ABTB2: variants seen among roughly 807,000 people sequenced by gnomAD.
The protein encoded by ABTB2 is ankyrin repeat and BTB domain containing 2.
In ABTB2, 56 loss-of-function variants were observed where a neutral mutation model predicts 104.1. The ratio of observed to expected loss-of-function variants is 0.54; its 90% confidence interval spans 0.43 to 0.67. The LOEUF (loss-of-function observed/expected upper bound fraction) is 0.67. Among genes scored for constraint, ABTB2 ranks in the 30% least tolerant of loss-of-function variants. The probability of loss-of-function intolerance (pLI) is 0.00; values close to 1 mark genes in which losing one functional copy is unlikely to be tolerated. For missense variants in ABTB2, 1,279 were observed against 1,407.7 expected (o/e 0.91, Z 1.46); for synonymous variants, 606 against 608.2 (o/e 1.00, Z 0.05).
chr11:34,182,031 G>A (rs1853034647), intron 3 of ABTB2, among the ~76,000 whole-genome samples: 1 of 152,240 alleles, frequency 6.6e-6, no homozygotes, highest in Non-Finnish European at 1.5e-5. Context: ...GGGGTGCCAA[G>A]TGGCACCGTC....
intron 1 of ABTB2, among the ~76,000 whole-genome samples, chr11:34,236,434 G>A (rs1853844473): frequency 1.3e-5 from 2 of 152,094 alleles, no homozygotes. Flanking sequence ...TCTAATTTGG[G>A]GTGGGTCACT....
intron 1 of ABTB2, among the ~76,000 whole-genome samples, chr11:34,227,077 C>T (rs553528985): frequency 3.3e-5 from 5 of 152,066 alleles, no homozygotes; most frequent in Non-Finnish European, 7.4e-5. Flanking sequence ...AGTTCAAGAT[C>T]AGCCTGGCCA....
At chr11:34,214,556 TA>T (rs34067117) in intron 1 of ABTB2, among the ~76,000 whole-genome samples, 1,609 of 103,062 alleles carry the variant, frequency 0.016, 33 homozygotes, top group East Asian at 0.062. Flanking sequence ...TTTTTTTTTT[TA>T]AAGTCAGGTT....
chr11:34,223,380 C>T (rs149980077), intron 1 of ABTB2, among the ~76,000 whole-genome samples: 8 of 152,292 alleles, frequency 5.3e-5, no homozygotes, highest in East Asian at 3.9e-4. Flanking sequence ...CAAAATTCTC[C>T]GCTCTCCTGC....
intron 1 of ABTB2, among the ~76,000 whole-genome samples, chr11:34,248,826 C>A (rs534465378): frequency 6.6e-6 from 1 of 152,336 alleles, no homozygotes; most frequent in African/African-American, 2.4e-5. Flanking sequence ...AAAACTATCA[C>A]ACACTGCATA....
At chr11:34,302,414 C>T (rs1031187635) in intron 1 of ABTB2, among the ~76,000 whole-genome samples, 1 of 152,180 alleles carries the variant, frequency 6.6e-6, no homozygotes, top group Non-Finnish European at 1.5e-5. Flanking sequence ...CATGACTGGT[C>T]AGATTCAAAT....
At chr11:34,204,927 G>A (rs949066096) in intron 1 of ABTB2, among the ~76,000 whole-genome samples, 4 of 152,154 alleles carry the variant, frequency 2.6e-5, no homozygotes, top group East Asian at 1.9e-4. Flanking sequence ...GGAGACCATC[G>A]TTTCTTGGAG....
chr11:34,287,189 A>C (rs1331581020), intron 1 of ABTB2, among the ~76,000 whole-genome samples: 2 of 151,710 alleles, frequency 1.3e-5, no homozygotes, highest in Admixed American at 1.3e-4. Flanking sequence ...TTTATTGAAA[A>C]AAAAAAAAAA....
chr11:34,240,318 A>G (rs937901556), intron 1 of ABTB2, among the ~76,000 whole-genome samples: 1 of 152,232 alleles, frequency 6.6e-6, no homozygotes, highest in African/African-American at 2.4e-5. Flanking sequence ...CAGCAGGAGC[A>G]GCTCAAAGCT....
At chr11:34,325,352 C>G (rs2133113388) in intron 1 of ABTB2, among the ~76,000 whole-genome samples, 1 of 152,226 alleles carries the variant, frequency 6.6e-6, no homozygotes, top group South Asian at 2.1e-4. Context: ...GTTCTTTCCC[C>G]ATGGAGGTTC....
intron 1 of ABTB2, among the ~76,000 whole-genome samples, chr11:34,287,185 GA>G (rs34599793): frequency 0.023 from 2,472 of 105,842 alleles, 49 homozygotes; most frequent in African/African-American, 0.068. Flanking sequence ...TGTCTTTATT[GA>G]AAAAAAAAAA....
At chr11:34,239,241 C>T (rs35722745) in intron 1 of ABTB2, among the ~76,000 whole-genome samples, 26,299 of 152,126 alleles carry the variant, frequency 0.17, 2,820 homozygotes, top group Admixed American at 0.25. Flanking sequence ...CTTTACGTAG[C>T]GCCTGGGTTT....
chr11:34,317,429 G>A (rs192002460), intron 1 of ABTB2, among the ~76,000 whole-genome samples: 57 of 152,218 alleles, frequency 3.7e-4, no homozygotes, highest in East Asian at 3.7e-3. Flanking sequence ...TCAATAAGGG[G>A]GCACTGGCAA....
intron 3 of ABTB2, 77 bp from the exon 4 acceptor site, chr11:34,173,384 G>C: frequency 6.8e-7 from 1 of 1,465,908 alleles, no homozygotes. Flanking sequence ...AGGCCTGGGA[G>C]GGTGCTTCTT....
At chr11:34,328,663 C>T (rs189546864) in intron 1 of ABTB2, among the ~76,000 whole-genome samples, 3 of 152,294 alleles carry the variant, frequency 2.0e-5, no homozygotes, top group Admixed American at 6.5e-5. Context: ...TGCCGGCCAC[C>T]GGGCAGGCAT....
At chr11:34,182,873 T>A (rs1188297039) in intron 3 of ABTB2, among the ~76,000 whole-genome samples, 1 of 152,138 alleles carries the variant, frequency 6.6e-6, no homozygotes, top group Non-Finnish European at 1.5e-5. Context: ...ATTTCCGTTT[T>A]ATACATGGGG....
chr11:34,286,837 A>C (rs1305556779), intron 1 of ABTB2, among the ~76,000 whole-genome samples: 1 of 152,214 alleles, frequency 6.6e-6, no homozygotes, highest in African/African-American at 2.4e-5. Context: ...GAGTAAAAGA[A>C]ACCAGCCTCA....
chr11:34,226,660 T>G (rs1165156537), intron 1 of ABTB2, among the ~76,000 whole-genome samples: 1 of 152,238 alleles, frequency 6.6e-6, no homozygotes, highest in Non-Finnish European at 1.5e-5. Context: ...ATAATTCACA[T>G]GCTATAAAAT....
chr11:34,189,516 G>A (rs1853145357), intron 3 of ABTB2, among the ~76,000 whole-genome samples: 1 of 152,146 alleles, frequency 6.6e-6, no homozygotes, highest in South Asian at 2.1e-4. Flanking sequence ...TGGGAGGATT[G>A]CCTGAGCCCA....
Sources: allele counts gnomAD v4.1 joint callset (sites outside exome capture counted in the v4.1 genomes callset), GRCh38; gene constraint gnomAD v4.1.1; transcripts MANE v1.5; gene names NCBI Gene and HGNC (gene_info 2026-07-23, HGNC 2026-07-21).